The following CCDC194 variants were observed in gnomAD, a reference collection of about 807,000 sequenced individuals.
CCDC194 encodes the protein coiled-coil domain containing 194.
Under a neutral mutation model 4.9 loss-of-function variants are expected in CCDC194, and 8 were observed. The ratio of observed to expected loss-of-function variants is 1.65; its 90% CI spans 0.97 to 2.97. CCDC194 has a LOEUF of 2.97. CCDC194 is among the 30% of genes most tolerant of loss of function. The pLI, the probability that CCDC194 is intolerant of heterozygous loss-of-function variation, is 0.00. For missense variants in CCDC194, 52 were observed against 43.1 expected (o/e 1.21, Z -0.58); for synonymous variants, 13 against 17.0 (o/e 0.76, Z 0.58).
At chr19:17,389,120 G>C (rs558722164), downstream of CCDC194, among the ~76,000 whole-genome samples, 1 of 152,186 alleles carries the variant, frequency 6.6e-6, no homozygotes, top group Non-Finnish European at 1.5e-5. Context: ...GATTACAGGC[G>C]TGAGCCACCA....
chr19:17,391,229 G>A (rs751206542), exon 3 of CCDC194: 5 of 400,228 alleles, frequency 1.2e-5, no homozygotes, highest in Non-Finnish European at 8.8e-6. Flanking sequence ...GCGCAGCGCC[G>A]CCTCCCGGGC....
intron 1 of CCDC194, among the ~76,000 whole-genome samples, chr19:17,392,695 G>A (rs578141324): frequency 6.6e-6 from 1 of 152,296 alleles, no homozygotes; most frequent in East Asian, 1.9e-4. Context: ...TCTTGGTCCA[G>A]GGGGCAGAAA....
downstream of CCDC194, among the ~76,000 whole-genome samples, chr19:17,390,013 T>C (rs2074648227): frequency 6.6e-6 from 1 of 152,184 alleles, no homozygotes; most frequent in South Asian, 2.1e-4. This position sits in a 1 kb window ranked among gnomAD's most constrained non-coding sequence, Gnocchi z 5.5. Context: ...TTGTTTAAAT[T>C]CCATCTGGGA....
chr19:17,391,050 G>T (rs150701413), intron 3 of CCDC194, among the ~76,000 whole-genome samples, 161 bp downstream of exon 3: 1 of 151,146 alleles, frequency 6.6e-6, no homozygotes, highest in African/African-American at 2.4e-5. Context: ...CCATCCTTAG[G>T]TTCCAATTCC....
chr19:17,387,294 T>C (rs1368120917), downstream of CCDC194, among the ~76,000 whole-genome samples: 1 of 152,028 alleles, frequency 6.6e-6, no homozygotes, highest in Non-Finnish European at 1.5e-5. Context: ...CATAGAGAAA[T>C]GTGCAAGTAT....
At chr19:17,393,376 CTTTTT>C (rs551933814) in intron 1 of CCDC194, among the ~76,000 whole-genome samples, 9 of 115,420 alleles carry the variant, frequency 7.8e-5, no homozygotes, top group African/African-American at 3.3e-4. Flanking sequence ...GACAGTGAGA[CTTTTT>C]TTTTTTTTTT....
intron 2 of CCDC194, 79 bp downstream of exon 2, chr19:17,391,671 T>C: frequency 6.5e-7 from 1 of 1,535,224 alleles, no homozygotes; most frequent in Non-Finnish European, 8.7e-7. Context: ...CGTTTGCAAC[T>C]GTGCTTGTTT....
At chr19:17,391,944 C>T in intron 1 of CCDC194, 98 bp from the exon 2 acceptor site, 1 of 1,130,130 alleles carries the variant, frequency 8.8e-7, no homozygotes, top group Non-Finnish European at 1.2e-6. Context: ...CACCTGCGAC[C>T]CTGTGTCCTG....
In CCDC194 at chr19:17,390,644, G is replaced by C; in HGVS notation, c.570C>G (p.Ala190=). 2.5e-6 allele frequency: 1 copy of C among 397,958 alleles called. No individual in the cohort carries two copies. Among genetic ancestry groups the C allele is most frequent in the Non-Finnish European group, 4.4e-6 (1 of 225,636 alleles). The allele number at this position is 397,958 out of a possible 1,614,324, so 24.7% of individuals were successfully genotyped here. ...GCACTCTGCGCTGTGGGCTCATCTC[G>C]GCTTCCAGGACGTTACTGCCGGGAA... The change falls in exon 4 of 4, where the codon GCC becomes GCG. Residue 190 remains alanine, a synonymous_variant. Coordinates refer to ENST00000636079, the Ensembl canonical transcript of CCDC194. The surrounding 1 kb of genome is among the most constrained non-coding windows in gnomAD (Gnocchi z 5.5).
intron 1 of CCDC194, 24 bp from the exon 2 acceptor site, chr19:17,391,870 AG>A: frequency 6.7e-7 from 1 of 1,488,208 alleles, no homozygotes; most frequent in Non-Finnish European, 8.9e-7. Context: ...GGGAAGTGGG[AG>A]GGGGTGTAGG....
At position 17,390,912 on chromosome 19, in the gene CCDC194, CTTTT is replaced by C. The variant is rs1253434034; in HGVS notation, c.555-257_555-254del. Among the ~76,000 whole-genome samples, 1 of 152,070 alleles carries C rather than the reference CTTTT, an allele frequency of 6.6e-6. No homozygotes were observed. The highest frequency in any genetic ancestry group is 2.4e-5 in the African/African-American group (1 of 41,420). ...CCACCAGCCTCTCCCTCGATACTCCCTTTTCCTTGCTCCCTTCTCTTCCGTTCCC... is the reference window on the plus strand; with the variant it reads ...CCACCAGCCTCTCCCTCGATACTCCCCCTTGCTCCCTTCTCTTCCGTTCCC... On this transcript the variant is annotated intron_variant, in intron 3 of 3. Coordinates refer to ENST00000636079, the Ensembl canonical transcript of CCDC194. This position sits in a 1 kb window ranked among gnomAD's most constrained non-coding sequence, Gnocchi z 5.5.
downstream of CCDC194, among the ~76,000 whole-genome samples, chr19:17,389,046 C>G (rs1599586718): frequency 1.3e-5 from 2 of 152,276 alleles, no homozygotes; most frequent in African/African-American, 4.8e-5. Context: ...TGCTATGGTG[C>G]CCAGGCTGGT....
downstream of CCDC194, among the ~76,000 whole-genome samples, chr19:17,389,213 G>A (rs1254903520): frequency 5.3e-5 from 8 of 152,148 alleles, no homozygotes; most frequent in Admixed American, 5.2e-4. Context: ...CATAACCTTT[G>A]TGTTGTTAAG....
exon 2 of CCDC194, chr19:17,391,810 C>T (rs1362322202): frequency 6.5e-7 from 1 of 1,535,416 alleles, no homozygotes; most frequent in Non-Finnish European, 8.7e-7. Flanking sequence ...TCGTCCATCT[C>T]AATCTTCAGT....
chr19:17,387,642 C>T (rs111714719), downstream of CCDC194, among the ~76,000 whole-genome samples: 3,952 of 151,862 alleles, frequency 0.026, 133 homozygotes, highest in African/African-American at 0.071. Flanking sequence ...CGTTTGAACC[C>T]GAGAGGCGGA....
At chr19:17,388,302 T>C (rs2074642973), downstream of CCDC194, among the ~76,000 whole-genome samples, 1 of 147,780 alleles carries the variant, frequency 6.8e-6, no homozygotes, top group East Asian at 2.0e-4. Flanking sequence ...TGGGCTTAAG[T>C]GATCTTCCTG....
At chr19:17,392,061 TCTGCCCAGGTCC>T in intron 1 of CCDC194, 1 of 465,122 alleles carries the variant, frequency 2.1e-6, no homozygotes, top group Non-Finnish European at 3.8e-6. Flanking sequence ...GAGGGAGATC[TCTGCCCAGGTCC>T]AACGCCACCA....
chr19:17,391,556 T>G, intron 2 of CCDC194, 194 bp downstream of exon 2: 5 of 1,332,328 alleles, frequency 3.8e-6, no homozygotes, highest in Non-Finnish European at 5.0e-6. Context: ...GGAGTTTGCA[T>G]GTTTTGTGGC....
At chr19:17,388,268 T>C (rs1354700648), downstream of CCDC194, among the ~76,000 whole-genome samples, 1 of 142,768 alleles carries the variant, frequency 7.0e-6, no homozygotes, top group East Asian at 2.2e-4. Flanking sequence ...GGCATGATCA[T>C]GGCTCACTGC....
Sources: gnomAD v4.1 joint callset for allele counts (sites outside exome capture counted in the v4.1 genomes callset) on GRCh38, gnomAD v4.1.1 for gene constraint, Gnocchi (gnomAD v3.1) non-coding constraint, MANE v1.5 for transcripts, NCBI Gene and HGNC (gene_info 2026-07-23, HGNC 2026-07-21) for gene names.